Variants in STAU1 observed in about 807,000 individuals in gnomAD.
STAU1 encodes staufen double-stranded RNA binding protein 1.
Under a neutral mutation model 62.9 loss-of-function variants are expected in STAU1, and 13 were observed. That is an observed-to-expected ratio of 0.21 (90% CI 0.13 to 0.33). The LOEUF (loss-of-function observed/expected upper bound fraction) is 0.33. STAU1 is among the 10% of genes least tolerant of loss of function. The pLI is 1.00. For missense variants in STAU1, 571 were observed against 712.1 expected (o/e 0.80, Z 2.25); for synonymous variants, 269 against 265.1 (o/e 1.01, Z -0.14).
chr20:49,202,233 AG>A, the STAU1 span, among the ~76,000 whole-genome samples: 2 of 70,158 alleles, frequency 2.9e-5, no homozygotes, highest in Non-Finnish European at 8.1e-5. Context: ...AAAAAAAAAA[AG>A]AAAGAAAGAA....
At chr20:49,148,560 A>C (rs1308892795) in intron 5 of STAU1, among the ~76,000 whole-genome samples, 1 of 152,250 alleles carries the variant, frequency 6.6e-6, no homozygotes, top group Admixed American at 6.5e-5. Context: ...TCACTGGCTA[A>C]GGCCAGTCTT....
In STAU1 at chr20:49,155,433, C is replaced by T. The variant is rs189860766; in HGVS notation, c.206-1362G>A. ...CATCCAATCCATAAACCTTTAAAAA[C>T]CATTTAAAAAGAAAACCAGCCTGGA... On this transcript the variant is annotated intron_variant, in intron 3 of 13. Coordinates refer to ENST00000371856, the MANE Select transcript of STAU1 (RefSeq NM_017453.4). Among the ~76,000 whole-genome samples, 8 of 152,152 alleles carry T rather than the reference C, an allele frequency of 5.3e-5. No individual in the cohort carries two copies. The East Asian group carries it at 1.5e-3, about 29-fold the overall frequency.
In STAU1 at chr20:49,117,756, C is replaced by A. The variant is rs1312800902; in HGVS notation, c.1509+21G>T. ...TGACTGTCCTGAGGCACAGCCATCA[C>A]AGCTCAGGCCAGACAGTTACCTGGA... On this transcript the variant is annotated intron_variant, in intron 11 of 13. Coordinates refer to ENST00000371856, the MANE Select transcript of STAU1 (RefSeq NM_017453.4). This position sits in a 1 kb window ranked among gnomAD's most constrained non-coding sequence, Gnocchi z 4.6. The A allele has an allele frequency of 6.3e-6, 10 of 1,583,488 alleles. No homozygotes were observed. In the South Asian group the frequency reaches 1.0e-4, roughly 16 times the overall value.
At chr20:49,129,566 CCT>C (rs2145955386) in intron 6 of STAU1, among the ~76,000 whole-genome samples, 1 of 151,266 alleles carries the variant, frequency 6.6e-6, no homozygotes, top group African/African-American at 2.4e-5. Flanking sequence ...AGCAACTAAG[CCT>C]CTCTCATATA....
the STAU1 span, among the ~76,000 whole-genome samples, chr20:49,218,591 A>G: frequency 1.3e-5 from 2 of 151,986 alleles, no homozygotes; most frequent in Non-Finnish European, 2.9e-5. Context: ...GGGTCTTGTC[A>G]TGTTGCCCAG....
At chr20:49,156,783 TC>T (rs1252715185) in intron 3 of STAU1, among the ~76,000 whole-genome samples, 4 of 152,172 alleles carry the variant, frequency 2.6e-5, no homozygotes, top group Non-Finnish European at 4.4e-5. Flanking sequence ...CCTGGTCTTA[TC>T]TTGATAATTC....
chr20:49,175,674 T>C (rs1315063286), intron 1 of STAU1, among the ~76,000 whole-genome samples: 1 of 151,410 alleles, frequency 6.6e-6, no homozygotes, highest in Admixed American at 6.6e-5. Flanking sequence ...TTAGTAGAAA[T>C]GGCAGGGTTT....
chr20:49,126,713 T>A (rs1383843231), intron 6 of STAU1, among the ~76,000 whole-genome samples: 2 of 151,136 alleles, frequency 1.3e-5, no homozygotes, highest in Non-Finnish European at 2.9e-5. Context: ...TAGGATATGG[T>A]TTTGTGTAAG....
chr20:49,173,975 T>C (rs1268162962), intron 2 of STAU1, among the ~76,000 whole-genome samples: 1 of 152,248 alleles, frequency 6.6e-6, no homozygotes, highest in Non-Finnish European at 1.5e-5. Context: ...CTCATGTCTC[T>C]ATATTTAAAG....
intron 5 of STAU1, among the ~76,000 whole-genome samples, chr20:49,142,561 T>G (rs978005101): frequency 1.3e-5 from 2 of 152,130 alleles, no homozygotes; most frequent in Non-Finnish European, 2.9e-5. Context: ...ACTTGGGAGC[T>G]TCACAAGTTC....
chr20:49,166,298 A>G lies in STAU1; in HGVS notation c.-84-13T>C. Reference sequence around the variant, plus strand: ...TCTAAAGTTCTACCTAAAAGTTGTAAGGGAAAGAAAATAAAAAGGTAAATT... The same window carrying G: ...TCTAAAGTTCTACCTAAAAGTTGTAGGGGAAAGAAAATAAAAAGGTAAATT... On this transcript the variant is annotated splice_polypyrimidine_tract_variant and intron_variant, in intron 2 of 13. Transcript: ENST00000371856. The G allele has an allele frequency of 9.2e-7, 1 of 1,092,036 alleles. No individual in the cohort carries two copies. The highest frequency in any genetic ancestry group is 2.8e-4 in the Middle Eastern group (1 of 3,586). The allele number at this position is 1,092,036 out of a possible 1,614,324, so 67.6% of individuals were successfully genotyped here.
intron 2 of STAU1, among the ~76,000 whole-genome samples, chr20:49,169,993 T>G (rs1210339642): frequency 1.3e-5 from 2 of 152,234 alleles, no homozygotes; most frequent in Non-Finnish European, 2.9e-5. Context: ...AATCTTGCTT[T>G]GGCTGGCAGT....
At chr20:49,165,689 CA>C (rs1161891452) in intron 3 of STAU1, among the ~76,000 whole-genome samples, 1 of 152,168 alleles carries the variant, frequency 6.6e-6, no homozygotes, top group Non-Finnish European at 1.5e-5. Context: ...GATGAATATC[CA>C]AGGTGGTATT....
chr20:49,145,165 C>G (rs1600718049), intron 5 of STAU1, among the ~76,000 whole-genome samples: 1 of 151,614 alleles, frequency 6.6e-6, no homozygotes, highest in Admixed American at 6.6e-5. Context: ...GTGGCTCACG[C>G]CTGTAATCCC....
intron 5 of STAU1, among the ~76,000 whole-genome samples, chr20:49,140,668 A>G (rs1229451209): frequency 2.6e-5 from 4 of 152,192 alleles, no homozygotes; most frequent in South Asian, 2.1e-4. Context: ...TAACTCTTCA[A>G]TGAGTCCAGA....
chr20:49,149,337 C>A (rs558328171), intron 5 of STAU1, among the ~76,000 whole-genome samples: 2 of 151,862 alleles, frequency 1.3e-5, no homozygotes, highest in African/African-American at 4.8e-5. Flanking sequence ...AAAACACACA[C>A]ACACACACCC....
At chr20:49,162,126 ACT>A (rs1165721227) in intron 3 of STAU1, among the ~76,000 whole-genome samples, 1 of 151,878 alleles carries the variant, frequency 6.6e-6, no homozygotes, top group Non-Finnish European at 1.5e-5. Flanking sequence ...ATACAGTGAA[ACT>A]CTCATTCCTG....
At chr20:49,206,213 G>A in the STAU1 span, among the ~76,000 whole-genome samples, 1 of 144,840 alleles carries the variant, frequency 6.9e-6, no homozygotes, top group African/African-American at 2.6e-5. Context: ...AGGCTGGTCT[G>A]GAACTCCTGA....
intron 1 of STAU1, among the ~76,000 whole-genome samples, chr20:49,180,214 C>G (rs539489184): frequency 6.6e-6 from 1 of 152,234 alleles, no homozygotes; most frequent in East Asian, 1.9e-4. Flanking sequence ...AGCACCTATC[C>G]TATAAAGTTA....
Sources: gnomAD v4.1 joint callset for allele counts (sites outside exome capture counted in the v4.1 genomes callset) on GRCh38, gnomAD v4.1.1 for gene constraint, Gnocchi (gnomAD v3.1) non-coding constraint, MANE v1.5 for transcripts, NCBI Gene and HGNC (gene_info 2026-07-23, HGNC 2026-07-21) for gene names.